Variants in TRHDE observed in about 807,000 individuals in gnomAD.
The protein encoded by TRHDE is thyrotropin-releasing hormone-degrading ectoenzyme.
TRHDE carries 72 observed loss-of-function variants against 125.7 expected under a neutral mutation model. The observed-to-expected ratio is 0.57, with a 90% CI of 0.47 to 0.70. The LOEUF (loss-of-function observed/expected upper bound fraction) is 0.70, where lower values mean the gene tolerates loss of function less well. TRHDE is among the 30% of genes least tolerant of loss of function. TRHDE has a pLI of 0.00. For synonymous variants in TRHDE, 509 were observed against 509.1 expected, an observed-to-expected ratio of 1.00 and a Z score of 0.00; for missense variants, 1,110 against 1,327.1, an observed-to-expected ratio of 0.84 and a Z score of 2.54.
upstream of TRHDE, among the ~76,000 whole-genome samples, chr12:72,269,968 A>G (rs1879160041): frequency 6.6e-6 from 1 of 152,220 alleles, no homozygotes; most frequent in Non-Finnish European, 1.5e-5. Context: ...GGATGATTCC[A>G]GAAGCCTCTG....
Position 72,265,528 on chromosome 12 carries a change from G to A in TRHDE, n.280-112467G>A, listed in dbSNP as rs889972534. Among the ~76,000 whole-genome samples, 12 of 151,458 alleles carry A rather than the reference G, an allele frequency of 7.9e-5. 1 individual carries two copies. The highest frequency in any genetic ancestry group is 1.8e-4 in the Non-Finnish European group (12 of 67,738). On this transcript the variant is annotated intron_variant and non_coding_transcript_variant, in intron 2 of 4. Coordinates refer to the TRHDE transcript ENST00000548156. ...GCAAACATCTCTGTATATAAGCAAGGAAAAGGCATGAACCCCACCCCCCCA... is the reference window on the plus strand; with the variant it reads ...GCAAACATCTCTGTATATAAGCAAGAAAAAGGCATGAACCCCACCCCCCCA...
chr12:72,512,927 G>A (rs1369982773), intron 6 of TRHDE, among the ~76,000 whole-genome samples: 2 of 151,770 alleles, frequency 1.3e-5, no homozygotes, highest in African/African-American at 4.8e-5. Context: ...TATTGAAGGA[G>A]GTTGAACTGA....
chr12:72,587,765 G>T (rs963696563), intron 12 of TRHDE, among the ~76,000 whole-genome samples: 1 of 152,046 alleles, frequency 6.6e-6, no homozygotes, highest in South Asian at 2.1e-4. Context: ...TGTAACATAA[G>T]TTACAAGTGT....
intron 3 of TRHDE, among the ~76,000 whole-genome samples, chr12:72,398,856 C>A (rs1312316758): frequency 6.6e-6 from 1 of 152,108 alleles, no homozygotes; most frequent in Non-Finnish European, 1.5e-5. Context: ...TTAATATAAC[C>A]ATTTTTACTA....
At chr12:72,506,727 T>C (rs1878371100) in intron 6 of TRHDE, among the ~76,000 whole-genome samples, 1 of 152,154 alleles carries the variant, frequency 6.6e-6, no homozygotes, top group Admixed American at 6.6e-5. Context: ...GGATGGCAAC[T>C]CCAAGCTCCC....
At chr12:72,108,832 G>A (rs564608338) in intron 2 of TRHDE, among the ~76,000 whole-genome samples, 1 of 152,124 alleles carries the variant, frequency 6.6e-6, no homozygotes, top group Admixed American at 6.6e-5. Flanking sequence ...ACAAACACAC[G>A]AATGGTCTTA....
At chr12:72,190,601 A>T (rs1462190313) in intron 2 of TRHDE, among the ~76,000 whole-genome samples, 1 of 152,220 alleles carries the variant, frequency 6.6e-6, no homozygotes, top group Non-Finnish European at 1.5e-5. Flanking sequence ...TAGACTTCTA[A>T]TAATGGGCTC....
chr12:72,431,425 T>C (rs1284893060), intron 3 of TRHDE, among the ~76,000 whole-genome samples: 2 of 152,176 alleles, frequency 1.3e-5, no homozygotes, highest in East Asian at 3.9e-4. Context: ...GTTATGAAGT[T>C]GAACTGCTGA....
rs762226620 is a variant in TRHDE, at chr12:72,653,115, C to T, written c.2943C>T (p.Ala981=). Reference sequence around the variant, plus strand: ...GAAATCCACATGGTCGAGACCTTGCCTGGAAGTTTTTCAGGGATAAATGGA... The same window carrying T: ...GAAATCCACATGGTCGAGACCTTGCTTGGAAGTTTTTCAGGGATAAATGGA... ...VARNPHGRDL[A]WKFFRDKWKI... The change falls in exon 17 of 19, where the codon GCC becomes GCT. Residue 981 remains alanine, a synonymous_variant. Transcript: ENST00000261180. 1.2e-6 allele frequency: 2 copies of T among 1,609,038 alleles called. No individual in the cohort carries two copies. The highest frequency in any genetic ancestry group is 1.7e-6 in the Non-Finnish European group (2 of 1,177,232).
chr12:72,311,859 T>C lies in TRHDE; in HGVS notation c.1188+24905T>C, dbSNP rs115813350. 1.5e-3 allele frequency among the ~76,000 whole-genome samples: 225 copies of C among 152,310 alleles called. 1 individual carries two copies. Among genetic ancestry groups the C allele is most frequent in the African/African-American group, 5.2e-3 (217 of 41,578 alleles). ...CTCATTATTTAGCTGTCTGCTATAA[T>C]AGCTTCAAATCATTTAGTACTTTCC... On this transcript the variant is annotated intron_variant, in intron 2 of 18. Coordinates refer to ENST00000261180, the MANE Select transcript of TRHDE (RefSeq NM_013381.3).
At chr12:72,236,434 T>C (rs1878339284) in intron 2 of TRHDE, among the ~76,000 whole-genome samples, 1 of 149,860 alleles carries the variant, frequency 6.7e-6, no homozygotes, top group Admixed American at 6.6e-5. Context: ...CTACATCATA[T>C]CTTGTAGCTG....
chr12:72,282,276 C>G (rs141530984), intron 1 of TRHDE, among the ~76,000 whole-genome samples: 1 of 152,030 alleles, frequency 6.6e-6, no homozygotes. Flanking sequence ...TGAAATATTT[C>G]GATTTTTAAT....
intron 2 of TRHDE, among the ~76,000 whole-genome samples, chr12:72,191,417 C>A (rs1877337053): frequency 6.6e-6 from 1 of 152,196 alleles, no homozygotes; most frequent in South Asian, 2.1e-4. Context: ...TAAAGACTGT[C>A]ATTTAATAAT....
chr12:72,525,894 G>A (rs940758653), intron 6 of TRHDE, among the ~76,000 whole-genome samples: 1 of 151,950 alleles, frequency 6.6e-6, no homozygotes, highest in East Asian at 1.9e-4. Context: ...GGCTTTCATG[G>A]TTTAAGGAAC....
At position 72,273,071 on chromosome 12, in the gene TRHDE, G is replaced by T. The variant is rs369556074; in HGVS notation, c.428G>T (p.Arg143Leu). Residue 143 changes from arginine to leucine, a missense_variant, in exon 1 of 19, where the codon CGC (arginine) becomes CTC (leucine). Physicochemically the swap from Arg to Leu is moderately radical, Grantham distance 102 (BLOSUM62 -2). This residue lies in a region of TRHDE where 248 missense variants were observed against 240.8 expected (regional missense o/e 1.03). Coordinates refer to ENST00000261180, the MANE Select transcript of TRHDE (RefSeq NM_013381.3). The surrounding 1 kb of genome is among the most constrained non-coding windows in gnomAD (Gnocchi z 5.3). ...GNGSLPGSAR[R>L]NHHAGGDSWQ... Reference sequence around the variant, plus strand: ...GGGAGCCTCCCTGGATCGGCCCGGCGCAACCACCACGCAGGCGGGGACTCC... The same window carrying T: ...GGGAGCCTCCCTGGATCGGCCCGGCTCAACCACCACGCAGGCGGGGACTCC... 46 of 1,526,782 alleles carry T rather than the reference G, an allele frequency of 3.0e-5. No individual in the cohort carries two copies. The highest frequency in any genetic ancestry group is 5.9e-5 in the Admixed American group (3 of 51,114). The allele number at this position is 1,526,782 out of a possible 1,614,324, so 94.6% of individuals were successfully genotyped here.
intron 2 of TRHDE, among the ~76,000 whole-genome samples, chr12:72,157,512 G>A (rs149553283): frequency 1.1e-4 from 17 of 152,272 alleles, no homozygotes; most frequent in Non-Finnish European, 2.2e-4. Flanking sequence ...ACACTGTCAG[G>A]TTCCAAGTAT....
At chr12:72,631,436 T>C (rs1185063806) in intron 15 of TRHDE, among the ~76,000 whole-genome samples, 1 of 151,878 alleles carries the variant, frequency 6.6e-6, no homozygotes, top group African/African-American at 2.4e-5. Flanking sequence ...GATTCTTAAC[T>C]ATTTAAGTGA....
At chr12:72,459,122 T>G (rs2135882591) in intron 3 of TRHDE, among the ~76,000 whole-genome samples, 1 of 152,302 alleles carries the variant, frequency 6.6e-6, no homozygotes. Flanking sequence ...GGTCCCCTTC[T>G]ATCTTCAAAG....
intron 6 of TRHDE, among the ~76,000 whole-genome samples, chr12:72,534,326 G>T (rs1006489274): frequency 6.6e-6 from 1 of 152,144 alleles, no homozygotes; most frequent in African/African-American, 2.4e-5. Flanking sequence ...CTGTGGAGGA[G>T]AGAAAAACAT....
Sources: gnomAD v4.1 joint callset for allele counts (sites outside exome capture counted in the v4.1 genomes callset) on GRCh38, gnomAD v4.1.1 for gene constraint, gnomAD v4.1.1 regional missense constraint, Gnocchi (gnomAD v3.1) non-coding constraint, MANE v1.5 for transcripts, NCBI Gene and HGNC (gene_info 2026-07-23, HGNC 2026-07-21) for gene names.